DOCK2: variants seen among roughly 807,000 people sequenced by gnomAD.
The protein encoded by DOCK2 is dedicator of cytokinesis 2, also known as dedicator of cytokinesis protein 2.
DOCK2 carries 87 observed loss-of-function variants against 248.9 expected under a neutral mutation model. The observed-to-expected ratio is 0.35, with a 90% CI of 0.29 to 0.42. DOCK2 has a LOEUF of 0.42. Ranked by LOEUF, DOCK2 falls within the 10% of genes least tolerant of loss-of-function variation. DOCK2 has a pLI of 1.00. For missense variants in DOCK2, 1,747 were observed against 2,300.2 expected, an observed-to-expected ratio of 0.76 and a Z score of 4.92; for synonymous variants, 805 against 821.6, an observed-to-expected ratio of 0.98 and a Z score of 0.35.
intron 22 of DOCK2, among the ~76,000 whole-genome samples, chr5:169,734,929 G>A (rs1394697159): frequency 6.6e-6 from 1 of 152,188 alleles, no homozygotes; most frequent in Non-Finnish European, 1.5e-5. Flanking sequence ...TGGCTGCATT[G>A]CTCTGACGTA....
At chr5:169,951,949 C>G (rs1257863788) in intron 27 of DOCK2, among the ~76,000 whole-genome samples, 1 of 152,222 alleles carries the variant, frequency 6.6e-6, no homozygotes, top group Non-Finnish European at 1.5e-5. Flanking sequence ...CTATGTTATT[C>G]TGACCATCTC....
At chr5:170,001,698 G>T (rs750003846) in intron 30 of DOCK2, among the ~76,000 whole-genome samples, 1 of 152,210 alleles carries the variant, frequency 6.6e-6, no homozygotes, top group Non-Finnish European at 1.5e-5. Context: ...AGCACGTGCT[G>T]GCTCAGACGT....
intron 10 of DOCK2, among the ~76,000 whole-genome samples, chr5:169,698,085 C>T (rs761161379): frequency 5.3e-5 from 8 of 152,378 alleles, no homozygotes; most frequent in East Asian, 1.9e-4. Flanking sequence ...TCCACAGCCA[C>T]GGCTCTGACC....
At position 170,027,917 on chromosome 5, in the gene DOCK2, G is replaced by A. The variant is rs1432443241; in HGVS notation, c.3436G>A (p.Asp1146Asn). Residue 1146 changes from aspartate (D) to asparagine (N), a missense_variant, in exon 34 of 52, where the codon GAC (aspartate) becomes AAC (asparagine). Physicochemically the swap from Asp to Asn is conservative, Grantham distance 23 (BLOSUM62 1). Around this residue, in one of 4 missense-constraint regions of DOCK2, gnomAD observed 858 missense variants for 1,183.5 expected, o/e 0.72. Transcript: ENST00000520908. ...LDHEVEGGRG[D>N]EQYMQLLESI... ...CCACGAGGTAGAAGGGGGCCGAGGC[G>A]ACGAGCAGTACATGCAGCTCCTGGA... The A allele has an allele frequency of 9.9e-6, 16 of 1,613,428 alleles. No homozygotes were observed. Among genetic ancestry groups the A allele is most frequent in the Non-Finnish European group, 1.4e-5 (16 of 1,179,654 alleles).
intron 47 of DOCK2, among the ~76,000 whole-genome samples, chr5:170,077,220 TAG>T (rs1256264219): frequency 2.0e-5 from 3 of 152,210 alleles, no homozygotes; most frequent in Non-Finnish European, 4.4e-5. Context: ...AGAAGTTCAC[TAG>T]AGCCTAATGT....
intron 27 of DOCK2, among the ~76,000 whole-genome samples, chr5:169,900,804 A>C (rs1339091166): frequency 6.6e-6 from 1 of 152,128 alleles, no homozygotes; most frequent in Non-Finnish European, 1.5e-5. Flanking sequence ...AAAACTGAAA[A>C]ATATTTCCTC....
chr5:169,960,588 G>C (rs1488558104), intron 27 of DOCK2, among the ~76,000 whole-genome samples: 1 of 152,142 alleles, frequency 6.6e-6, no homozygotes, highest in Non-Finnish European at 1.5e-5. Context: ...CACTTAAAAT[G>C]ACCAATAATG....
intron 26 of DOCK2, among the ~76,000 whole-genome samples, chr5:169,833,389 A>G (rs1269894695): frequency 6.6e-6 from 1 of 152,220 alleles, no homozygotes; most frequent in Non-Finnish European, 1.5e-5. Context: ...AAAGAAAGGT[A>G]GGAATCATAC....
In DOCK2 at chr5:169,836,847, A is replaced by T. The variant is rs1183764426; in HGVS notation, c.2704-3910A>T. 2.0e-5 allele frequency among the ~76,000 whole-genome samples: 3 copies of T among 152,224 alleles called. No homozygotes were observed. In the East Asian group the frequency reaches 5.8e-4, roughly 29 times the overall value. ...GTGTTGAAAGAAAAATGAAAAAAAAAGGCCACATTTTTTATATAATTTGGT... is the reference window on the plus strand; with the variant it reads ...GTGTTGAAAGAAAAATGAAAAAAAATGGCCACATTTTTTATATAATTTGGT... On this transcript the variant is annotated intron_variant, in intron 26 of 51. Coordinates refer to ENST00000520908, the MANE Select transcript of DOCK2 (RefSeq NM_004946.3).
intron 23 of DOCK2, among the ~76,000 whole-genome samples, chr5:169,757,328 T>C (rs189711995): frequency 2.6e-5 from 4 of 151,582 alleles, no homozygotes; most frequent in African/African-American, 9.7e-5. Flanking sequence ...GTCATAATGC[T>C]TCTTAGCATA....
chr5:169,760,959 T>C (rs116722716), intron 24 of DOCK2, among the ~76,000 whole-genome samples: 2,950 of 152,346 alleles, frequency 0.019, 42 homozygotes, highest in Middle Eastern at 0.048. Context: ...GGAAGAGCTA[T>C]CTCCCTTTTG....
intron 27 of DOCK2, among the ~76,000 whole-genome samples, chr5:169,892,851 C>T (rs1773376645): frequency 6.6e-6 from 1 of 152,016 alleles, no homozygotes. Flanking sequence ...TGGATTTCCT[C>T]TCTCCTTTCT....
At chr5:169,715,614 AGTTT>A (rs1054712931) in intron 19 of DOCK2, among the ~76,000 whole-genome samples, 10 of 150,636 alleles carry the variant, frequency 6.6e-5, no homozygotes, top group African/African-American at 2.2e-4. Context: ...TTTTTAAAAA[AGTTT>A]GTTATTTAAA....
At chr5:169,669,174 T>TAA in intron 2 of DOCK2, 114 bp from the exon 3 acceptor site, 1 of 1,302,822 alleles carries the variant, frequency 7.7e-7, no homozygotes, top group Admixed American at 1.8e-5. Flanking sequence ...ACCCAAGGTC[T>TAA]AAAGCAATTT....
chr5:169,942,326 A>G (rs1476937284), intron 27 of DOCK2, among the ~76,000 whole-genome samples: 2 of 152,170 alleles, frequency 1.3e-5, no homozygotes, highest in Non-Finnish European at 1.5e-5. Flanking sequence ...TGCCTCTCCC[A>G]TGGTCTAATT....
At chr5:169,714,315 G>T in intron 18 of DOCK2, 45 bp from the exon 19 acceptor site, 1 of 1,613,548 alleles carries the variant, frequency 6.2e-7, no homozygotes, top group Non-Finnish European at 8.5e-7. Flanking sequence ...GATATGGACA[G>T]TTAGGCCAGT....
At chr5:169,677,149 A>G (rs1759378265) in intron 6 of DOCK2, among the ~76,000 whole-genome samples, 1 of 152,180 alleles carries the variant, frequency 6.6e-6, no homozygotes, top group Admixed American at 6.5e-5. Context: ...ACAGCTGCCT[A>G]TGGGTCAGGT....
rs147703810 is a variant in DOCK2 at position 169,672,786 on chromosome 5, C to A, written c.322-1511C>A. Among the ~76,000 whole-genome samples, 340 of 152,354 alleles carry A rather than the reference C, an allele frequency of 2.2e-3. 1 individual carries two copies. Among genetic ancestry groups the A allele is most frequent in the African/African-American group, 7.1e-3 (295 of 41,588 alleles). ...TTCTCACTACCCCTCCCTGCCTGGGCACCCCCTTTTTTCACTTCCAGTTTC... is the reference window on the plus strand; with the variant it reads ...TTCTCACTACCCCTCCCTGCCTGGGAACCCCCTTTTTTCACTTCCAGTTTC... On this transcript the variant is annotated intron_variant, in intron 5 of 51. Transcript: ENST00000520908.
intron 27 of DOCK2, among the ~76,000 whole-genome samples, chr5:169,865,635 C>T (rs1408878111): frequency 1.3e-5 from 2 of 152,182 alleles, no homozygotes; most frequent in African/African-American, 4.8e-5. Flanking sequence ...TGTTTGTTAC[C>T]TGGTTTCATA....
Sources: allele counts gnomAD v4.1 joint callset (sites outside exome capture counted in the v4.1 genomes callset), GRCh38; gene constraint gnomAD v4.1.1; regional missense constraint gnomAD v4.1.1; transcripts MANE v1.5; gene names NCBI Gene and HGNC (gene_info 2026-07-23, HGNC 2026-07-21).